CADPS: variants seen among roughly 807,000 people sequenced by gnomAD.
The protein encoded by CADPS is calcium dependent secretion activator, also known as calcium-dependent secretion activator 1.
CADPS carries 57 observed loss-of-function variants against 167.3 expected under a neutral mutation model. The observed-to-expected ratio is 0.34, with a 90% CI of 0.28 to 0.42. The LOEUF is 0.42. Ranked by LOEUF, CADPS falls within the 20% of genes least tolerant of loss-of-function variation. The probability of loss-of-function intolerance (pLI) is 1.00; values close to 1 mark genes in which losing one functional copy is unlikely to be tolerated. For synonymous variants in CADPS, 676 were observed against 635.3 expected (o/e 1.06, Z -0.96); for missense variants, 1,414 against 1,738.1 (o/e 0.81, Z 3.32).
intron 3 of CADPS, among the ~76,000 whole-genome samples, chr3:62,688,297 C>A (rs1482818590): frequency 6.6e-6 from 1 of 151,962 alleles, no homozygotes; most frequent in Non-Finnish European, 1.5e-5. Flanking sequence ...CCCCTAGGGG[C>A]AAAATATTCT....
At chr3:62,523,659 A>T (rs549346547) in intron 13 of CADPS, among the ~76,000 whole-genome samples, 1 of 152,350 alleles carries the variant, frequency 6.6e-6, no homozygotes, top group Admixed American at 6.5e-5. Flanking sequence ...GATTAAGGGC[A>T]GAATCCAGGT....
Position 62,874,506 on chromosome 3 carries a change from G to T in CADPS, c.441+83C>A. 1.8e-6 allele frequency: 2 copies of T among 1,092,148 alleles called. No homozygotes were observed. The highest frequency in any genetic ancestry group is 2.7e-6 in the Non-Finnish European group (2 of 750,396). The allele number at this position is 1,092,148 out of a possible 1,614,324, so 67.7% of individuals were successfully genotyped here. On this transcript the variant is annotated intron_variant, in intron 1 of 29. Transcript: ENST00000383710. The surrounding 1 kb of genome is among the most constrained non-coding windows in gnomAD (Gnocchi z 7.1). The stretch of plus-strand genomic sequence containing the variant: ...CCACCTCTCCTGCTCCTCCTCGCCA[G>T]CTGCGCCGCCAGCTCCCATTGTTCA...
intron 18 of CADPS, among the ~76,000 whole-genome samples, chr3:62,497,083 G>T (rs1302535764): frequency 6.6e-6 from 1 of 152,100 alleles, no homozygotes; most frequent in Non-Finnish European, 1.5e-5. Flanking sequence ...TTGTGATGAT[G>T]GTTATTAGGG....
In CADPS at chr3:62,448,815, T is replaced by C. The variant is rs146562850; in HGVS notation, c.3637-3018A>G. ...TTTTAGTAGAGATGGGGTTTCACCA[T>C]GTTGACCAGGCTGGTCTCAAACTTG... On this transcript the variant is annotated intron_variant, in intron 26 of 29. Coordinates refer to ENST00000383710, the MANE Select transcript of CADPS (RefSeq NM_003716.4). Among the ~76,000 whole-genome samples the C allele has an allele frequency of 2.0e-4, 31 of 152,266 alleles. No individual in the cohort carries two copies. In the East Asian group the frequency reaches 5.4e-3, roughly 27 times the overall value.
At chr3:62,847,448 TC>T (rs2077705853) in intron 1 of CADPS, among the ~76,000 whole-genome samples, 1 of 99,112 alleles carries the variant, frequency 1.0e-5, no homozygotes, top group South Asian at 4.7e-4. Context: ...CCCACCACAG[TC>T]CCCAGAGTGT....
At chr3:62,402,239 C>CGGGGGGGGGGGGGGGGG (rs58033665) in intron 29 of CADPS, among the ~76,000 whole-genome samples, 1 of 52,638 alleles carries the variant, frequency 1.9e-5, no homozygotes, top group African/African-American at 6.0e-5. Context: ...GGGGTGGGGG[C>CGGGGGGGGGGGGGGGGG]GGGGGGGGGG....
chr3:62,681,944 C>A (rs1243872125), intron 3 of CADPS, among the ~76,000 whole-genome samples: 1 of 152,016 alleles, frequency 6.6e-6, no homozygotes, highest in Non-Finnish European at 1.5e-5. Flanking sequence ...TCCAGAGGAC[C>A]TCATTTGGAG....
At chr3:62,703,605 A>C (rs1376709352) in intron 3 of CADPS, among the ~76,000 whole-genome samples, 1 of 152,126 alleles carries the variant, frequency 6.6e-6, no homozygotes, top group East Asian at 1.9e-4. Context: ...AAATCTTAGA[A>C]GTGACATGCC....
chr3:62,665,415 G>A (rs1031202507), intron 3 of CADPS, among the ~76,000 whole-genome samples: 1 of 149,586 alleles, frequency 6.7e-6, no homozygotes, highest in African/African-American at 2.4e-5. Context: ...CTGAGTCTTG[G>A]TAAGGTAGAG....
intron 9 of CADPS, among the ~76,000 whole-genome samples, chr3:62,565,419 T>C (rs2079966312): frequency 6.6e-6 from 1 of 152,192 alleles, no homozygotes; most frequent in Admixed American, 6.5e-5. Context: ...TTAAGCGGGA[T>C]AATGACCTCC....
intron 1 of CADPS, among the ~76,000 whole-genome samples, chr3:62,778,075 T>C (rs990022592): frequency 1.3e-5 from 2 of 152,234 alleles, no homozygotes; most frequent in Non-Finnish European, 2.9e-5. Flanking sequence ...AGTGATTTAA[T>C]GACTCTTGCT....
At chr3:62,686,027 T>C (rs967792412) in intron 3 of CADPS, among the ~76,000 whole-genome samples, 2 of 152,118 alleles carry the variant, frequency 1.3e-5, no homozygotes, top group African/African-American at 4.8e-5. Flanking sequence ...TCTGAGATGA[T>C]GGACATACTA....
At position 62,445,856 on chromosome 3, in the gene CADPS, C is replaced by T. The variant is rs372476109; in HGVS notation, c.3637-59G>A. The T allele has an allele frequency of 4.9e-6, 6 of 1,223,876 alleles. No homozygotes were observed. The Admixed American group carries it at 1.4e-4, about 29-fold the overall frequency. The allele number at this position is 1,223,876 out of a possible 1,614,324, so 75.8% of individuals were successfully genotyped here. On this transcript the variant is annotated intron_variant, in intron 26 of 29. Coordinates refer to ENST00000383710, the MANE Select transcript of CADPS (RefSeq NM_003716.4). ...GGTGTTTATGTTTAATTGTTCACTG[C>T]TCAATGCTGTATCCCCATCAGAATC...
intron 1 of CADPS, among the ~76,000 whole-genome samples, chr3:62,774,839 T>C (rs1352472971): frequency 2.6e-5 from 4 of 152,158 alleles, no homozygotes; most frequent in African/African-American, 4.8e-5. Flanking sequence ...GATATTGTAA[T>C]AGCCTTTTCA....
chr3:62,780,038 A>G (rs1470882901), intron 1 of CADPS, among the ~76,000 whole-genome samples: 2 of 152,174 alleles, frequency 1.3e-5, no homozygotes, highest in East Asian at 3.9e-4. Flanking sequence ...CCCCTTGTAC[A>G]TAGAGTTTAT....
Position 62,399,403 on chromosome 3 carries a change from G to C in CADPS, c.*3C>G. The stretch of plus-strand genomic sequence containing the variant: ...GTCCCAGCAGACTCTAGGACCAAAT[G>C]GTCTAATCGTCTTCTTCGTCTTCCT... On this transcript the variant is annotated 3_prime_UTR_variant, in exon 30 of 30. Transcript: ENST00000383710. This position sits in a 1 kb window ranked among gnomAD's most constrained non-coding sequence, Gnocchi z 5.6. The C allele has an allele frequency of 6.2e-7, 1 of 1,613,936 alleles. No individual in the cohort carries two copies. The highest frequency in any genetic ancestry group is 8.5e-7 in the Non-Finnish European group (1 of 1,179,818).
At chr3:62,831,579 T>A (rs1354076928) in intron 1 of CADPS, among the ~76,000 whole-genome samples, 1 of 152,150 alleles carries the variant, frequency 6.6e-6, no homozygotes, top group East Asian at 1.9e-4. Context: ...TGATTCAGTA[T>A]AACGAAACAC....
At chr3:62,629,764 T>TG (rs991918911) in intron 6 of CADPS, among the ~76,000 whole-genome samples, 32 of 151,864 alleles carry the variant, frequency 2.1e-4, no homozygotes, top group East Asian at 1.6e-3. Flanking sequence ...ACAGTTTTTT[T>TG]TTTGTTTGTT....
At chr3:62,777,860 T>C (rs889375664) in intron 1 of CADPS, among the ~76,000 whole-genome samples, 10 of 152,218 alleles carry the variant, frequency 6.6e-5, no homozygotes, top group Non-Finnish European at 1.3e-4. Flanking sequence ...TGTCCTGATA[T>C]TCAGAAGCAG....
Sources: gnomAD v4.1 joint callset for allele counts (sites outside exome capture counted in the v4.1 genomes callset) on GRCh38, gnomAD v4.1.1 for gene constraint, Gnocchi (gnomAD v3.1) non-coding constraint, MANE v1.5 for transcripts, NCBI Gene and HGNC (gene_info 2026-07-23, HGNC 2026-07-21) for gene names.